DAPK1: variants seen among roughly 807,000 people sequenced by gnomAD.
The protein encoded by DAPK1 is death-associated protein kinase 1.
A neutral mutation model predicts 144.9 loss-of-function variants in DAPK1; 56 were observed. That is an observed-to-expected ratio of 0.39 (90% CI 0.31 to 0.48). The LOEUF (loss-of-function observed/expected upper bound fraction) is 0.48, where lower values mean the gene tolerates loss of function less well. Ranked by LOEUF, DAPK1 falls within the 20% of genes least tolerant of loss-of-function variation. The pLI is 0.95. For missense variants in DAPK1, 1,454 were observed against 1,875.4 expected (o/e 0.78, Z 4.15); for synonymous variants, 690 against 749.0 (o/e 0.92, Z 1.29).
intron 2 of DAPK1, among the ~76,000 whole-genome samples, chr9:87,539,257 G>A (rs1047599086): frequency 2.6e-5 from 4 of 151,824 alleles, no homozygotes; most frequent in Admixed American, 6.6e-5. Context: ...TAATATGTAC[G>A]GATGTGTAGT....
intron 4 of DAPK1, among the ~76,000 whole-genome samples, chr9:87,638,707 G>C (rs1166387730): frequency 6.6e-6 from 1 of 152,232 alleles, no homozygotes; most frequent in Non-Finnish European, 1.5e-5. Context: ...CATCCGAGTA[G>C]TTGATTCAGA....
At chr9:87,576,864 A>G (rs1827581856) in intron 2 of DAPK1, among the ~76,000 whole-genome samples, 1 of 151,870 alleles carries the variant, frequency 6.6e-6, no homozygotes, top group Admixed American at 6.6e-5. Flanking sequence ...CTGGCCCTGG[A>G]TCTCGGTTTT....
intron 3 of DAPK1, among the ~76,000 whole-genome samples, chr9:87,616,502 A>C: frequency 6.6e-6 from 1 of 151,724 alleles, no homozygotes; most frequent in Non-Finnish European, 1.5e-5. Flanking sequence ...GCTTCAGAAA[A>C]CTCTTGACTG....
chr9:87,671,499 T>G (rs1244007582), intron 19 of DAPK1, among the ~76,000 whole-genome samples: 1 of 134,014 alleles, frequency 7.5e-6, no homozygotes, highest in African/African-American at 2.5e-5. Context: ...TAGTCACCTT[T>G]TTTTTCTTTG....
Position 87,658,102 on chromosome 9 carries a change from G to A in DAPK1, c.1898G>A (p.Gly633Glu). 6.6e-7 allele frequency: 1 copy of A among 1,510,344 alleles called. No homozygotes were observed. The highest frequency in any genetic ancestry group is 9.2e-7 in the Non-Finnish European group (1 of 1,086,530). The allele number at this position is 1,510,344 out of a possible 1,614,324, so 93.6% of individuals were successfully genotyped here. The stretch of plus-strand genomic sequence containing the variant: ...GTGGTCCGGTATCTCTGTCTGATGG[G>A]AGCCAGCGTTGAGGCGCTGACCACG... ...LDVVRYLCLM[G>E]ASVEALTTDG... is the part of the protein sequence containing the mutation. The change falls in exon 18 of 26, where the codon GGA becomes GAA. Residue 633 changes from glycine (G) to glutamate (E), a missense_variant. By Grantham distance (98) the Gly-to-Glu change is moderately conservative (BLOSUM62 -2). Transcript: ENST00000408954.
intron 2 of DAPK1, among the ~76,000 whole-genome samples, chr9:87,513,194 C>T (rs895705767): frequency 3.3e-5 from 5 of 152,222 alleles, no homozygotes; most frequent in Non-Finnish European, 7.3e-5. Flanking sequence ...ATTTGCCCAT[C>T]ATTTATTCAT....
At chr9:87,507,525 T>A (rs1382393480) in intron 2 of DAPK1, among the ~76,000 whole-genome samples, 1 of 152,244 alleles carries the variant, frequency 6.6e-6, no homozygotes. Flanking sequence ...TTTTACCTTA[T>A]GTACTACCTT....
At chr9:87,544,335 T>C (rs1277432631) in intron 2 of DAPK1, among the ~76,000 whole-genome samples, 1 of 152,190 alleles carries the variant, frequency 6.6e-6, no homozygotes, top group Non-Finnish European at 1.5e-5. Flanking sequence ...CTCAAATCTC[T>C]GTCATGAGTT....
At chr9:87,614,716 C>T (rs558985211) in intron 3 of DAPK1, among the ~76,000 whole-genome samples, 12 of 152,320 alleles carry the variant, frequency 7.9e-5, no homozygotes, top group Admixed American at 3.9e-4. Context: ...TCCCTCTCTT[C>T]GCTGCTCCAG....
chr9:87,611,155 A>T (rs1828908998), intron 3 of DAPK1, among the ~76,000 whole-genome samples: 1 of 152,234 alleles, frequency 6.6e-6, no homozygotes, highest in Admixed American at 6.5e-5. Flanking sequence ...CACACTTAGC[A>T]TTATAAAATG....
chr9:87,543,198 T>C (rs970828008), intron 2 of DAPK1, among the ~76,000 whole-genome samples: 1 of 152,260 alleles, frequency 6.6e-6, no homozygotes, highest in Non-Finnish European at 1.5e-5. Context: ...GGGGCTGTGA[T>C]AGTTCTGCTT....
intron 17 of DAPK1, among the ~76,000 whole-genome samples, chr9:87,652,837 C>T (rs76061561): frequency 1.4e-5 from 2 of 144,616 alleles, no homozygotes. Context: ...CCCCTGATCC[C>T]AGGTCCTGAT....
intron 11 of DAPK1, 61 bp downstream of exon 11, chr9:87,643,529 G>T: frequency 9.0e-7 from 1 of 1,111,682 alleles, no homozygotes; most frequent in Non-Finnish European, 1.3e-6. Context: ...GAATGACCAA[G>T]CTGTTCTATT....
At position 87,707,123 on chromosome 9, in the gene DAPK1, A is replaced by G. The variant is rs748849831; in HGVS notation, c.4052A>G (p.Lys1351Arg). ...AKYNTSNGAP[K>R]DFLPSPLHAL... ...TACAACACCAGTAACGGGGCTCCCA[A>G]GGATTTCCTCCCCAGCCCCCTCCAC... The change falls in exon 26 of 26, where the codon AAG becomes AGG. Residue 1351 changes from lysine (K) to arginine (R), a missense_variant. Physicochemically the swap from Lys to Arg is conservative, Grantham distance 26. This residue lies in a region of DAPK1 where 1,025 missense variants were observed against 1,237.9 expected (regional missense o/e 0.83). Transcript: ENST00000408954. The surrounding 1 kb of genome is among the most constrained non-coding windows in gnomAD (Gnocchi z 4.0). 36 of 1,613,898 alleles carry G rather than the reference A, an allele frequency of 2.2e-5. No homozygotes were observed. The highest frequency in any genetic ancestry group is 2.0e-4 in the East Asian group (9 of 44,880).
In DAPK1 at chr9:87,681,482, G is replaced by C; in HGVS notation, c.2080G>C (p.Gly694Arg). 1 of 1,613,438 alleles carries C rather than the reference G, an allele frequency of 6.2e-7. No homozygotes were observed. The highest frequency in any genetic ancestry group is 8.5e-7 in the Non-Finnish European group (1 of 1,179,458). ...GCCAAGAATTAAGCTCAAGCTGTTT[G>C]GCCACTCGGGATCCGGGAAAACCAC... is the stretch of plus-strand genomic sequence containing the variant. ...LQPRIKLKLF[G>R]HSGSGKTTLV... Residue 694 changes from glycine to arginine, a missense_variant, in exon 20 of 26, where the codon GGC becomes CGC. By Grantham distance (125) the Gly-to-Arg change is moderately radical. Around this residue, in one of 2 missense-constraint regions of DAPK1, gnomAD observed 1,025 missense variants for 1,237.9 expected, o/e 0.83. Transcript: ENST00000408954.
At chr9:87,688,590 A>T (rs1162457245) in intron 21 of DAPK1, among the ~76,000 whole-genome samples, 1 of 152,060 alleles carries the variant, frequency 6.6e-6, no homozygotes, top group African/African-American at 2.4e-5. Context: ...CCTCACCAGC[A>T]TCTCTTGTTT....
At chr9:87,562,640 A>G (rs1255651978) in intron 2 of DAPK1, among the ~76,000 whole-genome samples, 1 of 152,360 alleles carries the variant, frequency 6.6e-6, no homozygotes, top group East Asian at 1.9e-4. Flanking sequence ...GTCATTTGCT[A>G]TCTCAAAGGC....
chr9:87,599,715 T>G (rs368436184), intron 2 of DAPK1, among the ~76,000 whole-genome samples: 103 of 152,306 alleles, frequency 6.8e-4, no homozygotes, highest in African/African-American at 2.4e-3. Context: ...GTGCATTTTT[T>G]GGGGAAAAAA....
Position 87,697,092 on chromosome 9 carries a change from G to A in DAPK1, c.2499G>A (p.Thr833=), listed in dbSNP as rs541536436. 46 of 1,554,812 alleles carry A rather than the reference G, an allele frequency of 3.0e-5. No individual in the cohort carries two copies. Among genetic ancestry groups the A allele is most frequent in the African/African-American group, 5.4e-5 (4 of 73,786 alleles). ...ACTATTTTGCTGCAAATGATCCCAC[G>A]TCAATCCATGTTGTTGTCTTTAGTC... is the stretch of plus-strand genomic sequence containing the variant. The part of the protein sequence containing the change: ...CYDYFAANDP[T]SIHVVVFSLE... The change falls in exon 22 of 26, where the codon ACG becomes ACA. Residue 833 remains threonine (T), a synonymous_variant. Transcript: ENST00000408954.
Sources: gnomAD v4.1 joint callset for allele counts (sites outside exome capture counted in the v4.1 genomes callset) on GRCh38, gnomAD v4.1.1 for gene constraint, gnomAD v4.1.1 regional missense constraint, Gnocchi (gnomAD v3.1) non-coding constraint, MANE v1.5 for transcripts, NCBI Gene and HGNC (gene_info 2026-07-23, HGNC 2026-07-21) for gene names.